Variants in CALN1 observed in about 807,000 individuals in gnomAD.
CALN1 encodes the protein calcium-binding protein 8.
A neutral mutation model predicts 30.6 loss-of-function variants in CALN1; 17 were observed. The ratio of observed to expected loss-of-function variants is 0.56; its 90% CI spans 0.38 to 0.83. The LOEUF is 0.83. Among genes scored for constraint, CALN1 ranks in the 40% least tolerant of loss-of-function variants. CALN1 has a pLI of 0.00. For missense variants in CALN1, 291 were observed against 354.9 expected (o/e 0.82, Z 1.45); for synonymous variants, 156 against 131.4 (o/e 1.19, Z -1.28).
chr7:72,299,277 C>A (rs1191653902), intron 2 of CALN1, among the ~76,000 whole-genome samples: 1 of 151,978 alleles, frequency 6.6e-6, no homozygotes, highest in Admixed American at 6.6e-5. Flanking sequence ...TACCATGAAA[C>A]AAGGAAAAAG....
intron 2 of CALN1, among the ~76,000 whole-genome samples, chr7:72,332,928 T>A (rs1349753617): frequency 1.3e-5 from 2 of 152,094 alleles, no homozygotes; most frequent in Non-Finnish European, 2.9e-5. Context: ...CACCACGAAG[T>A]CTCCAGCCAC....
rs71069052 is a variant in CALN1 at position 72,287,435 on chromosome 7, A to ATTT, written c.120-8628_120-8626dup. ...AAATCCATACACATACACCAAATTA[A>ATTT]TTTTTTTTTTTTTTTTTTTTTTTTT... On this transcript the variant is annotated intron_variant, in intron 2 of 6. Coordinates refer to ENST00000395275, the MANE Select transcript of CALN1 (RefSeq NM_031468.4). Among the ~76,000 whole-genome samples, 303 of 68,096 alleles carry ATTT rather than the reference A, an allele frequency of 4.4e-3. 28 individuals are homozygous for ATTT. Among genetic ancestry groups the ATTT allele is most frequent in the African/African-American group, 0.017 (284 of 16,666 alleles). 44.7% of individuals were successfully genotyped at this position (68,096 alleles called of 152,430 possible). A position where few individuals can be genotyped will look rare whatever the true frequency, so the allele number is the denominator to read the frequency against.
At chr7:72,254,095 G>A (rs550904210) in intron 3 of CALN1, among the ~76,000 whole-genome samples, 1 of 152,044 alleles carries the variant, frequency 6.6e-6, no homozygotes, top group African/African-American at 2.4e-5. Flanking sequence ...GCTCTTCTTG[G>A]TGGCTCTGAC....
At chr7:72,376,365 C>A (rs191107546) in intron 2 of CALN1, among the ~76,000 whole-genome samples, 1,873 of 152,266 alleles carry the variant, frequency 0.012, 23 homozygotes, top group Non-Finnish European at 0.021. Context: ...AAAAGGTTTA[C>A]AATGTCTCCG....
intron 1 of CALN1, among the ~76,000 whole-genome samples, chr7:72,417,514 T>C (rs749233232): frequency 6.6e-6 from 1 of 152,214 alleles, no homozygotes; most frequent in East Asian, 1.9e-4. Flanking sequence ...ACTTGCCACA[T>C]AGTTCTTGGT....
intron 5 of CALN1, among the ~76,000 whole-genome samples, chr7:71,857,758 C>T (rs1791042646): frequency 6.6e-6 from 1 of 152,068 alleles, no homozygotes; most frequent in African/African-American, 2.4e-5. Context: ...TGGGAGAGGG[C>T]CCAAGGACCA....
intron 4 of CALN1, among the ~76,000 whole-genome samples, chr7:72,034,353 C>CAAA (rs34276736): frequency 1.0e-4 from 9 of 90,382 alleles, no homozygotes; most frequent in African/African-American, 9.5e-5. Context: ...GACTCTGTCT[C>CAAA]AAAAAAAAAA....
chr7:72,344,760 C>T (rs915979256), intron 2 of CALN1, among the ~76,000 whole-genome samples: 2 of 145,956 alleles, frequency 1.4e-5, no homozygotes, highest in East Asian at 2.0e-4. Flanking sequence ...TGGCTTTTTG[C>T]TTTTTCGAAA....
chr7:72,504,126 A>G, the CALN1 span, among the ~76,000 whole-genome samples: 1 of 152,200 alleles, frequency 6.6e-6, no homozygotes, highest in Non-Finnish European at 1.5e-5. Flanking sequence ...CAGTGACCAC[A>G]GTGGAGGCTC....
At chr7:72,352,042 G>A (rs1287776466) in intron 2 of CALN1, among the ~76,000 whole-genome samples, 1 of 152,186 alleles carries the variant, frequency 6.6e-6, no homozygotes, top group East Asian at 1.9e-4. Flanking sequence ...ACTTTGGGAA[G>A]CCAAGGCAGG....
intron 2 of CALN1, among the ~76,000 whole-genome samples, chr7:72,312,737 G>A (rs1800138893): frequency 6.6e-6 from 1 of 151,792 alleles, no homozygotes; most frequent in Non-Finnish European, 1.5e-5. Context: ...GGGACAACTA[G>A]AAAAATAGTG....
intron 6 of CALN1, among the ~76,000 whole-genome samples, chr7:71,807,561 C>G (rs10256890): frequency 0.36 from 54,038 of 152,054 alleles, 10,292 homozygotes; most frequent in East Asian, 0.6. Flanking sequence ...ATGTAATGAC[C>G]GTCCCAGAGG....
chr7:71,977,541 C>T (rs1007880694), intron 5 of CALN1, among the ~76,000 whole-genome samples: 3 of 152,162 alleles, frequency 2.0e-5, no homozygotes, highest in East Asian at 3.8e-4. Context: ...ATCAGAGGGG[C>T]TAGTGCCTGG....
At chr7:72,181,606 T>G in intron 3 of CALN1, among the ~76,000 whole-genome samples, 1 of 151,912 alleles carries the variant, frequency 6.6e-6, no homozygotes, top group Non-Finnish European at 1.5e-5. Flanking sequence ...GCCTCCTGAG[T>G]AGCTGGGATT....
At chr7:71,969,334 T>G (rs1797680498) in intron 5 of CALN1, among the ~76,000 whole-genome samples, 1 of 152,220 alleles carries the variant, frequency 6.6e-6, no homozygotes, top group African/African-American at 2.4e-5. Flanking sequence ...CAGCATCATC[T>G]TACTTTCCTA....
chr7:72,140,645 A>G (rs1809860041), intron 3 of CALN1, among the ~76,000 whole-genome samples: 1 of 152,220 alleles, frequency 6.6e-6, no homozygotes, highest in South Asian at 2.1e-4. Context: ...GTTGAATGGT[A>G]GGATAAATGA....
At chr7:71,790,623 T>G (rs1793327507) in intron 6 of CALN1, among the ~76,000 whole-genome samples, 1 of 152,202 alleles carries the variant, frequency 6.6e-6, no homozygotes, top group African/African-American at 2.4e-5. Context: ...GCCCTTGAGG[T>G]CGGCAGGAAG....
chr7:72,088,643 G>C (rs978249167), intron 4 of CALN1, among the ~76,000 whole-genome samples: 1 of 145,938 alleles, frequency 6.9e-6, no homozygotes, highest in Non-Finnish European at 1.5e-5. Context: ...AGTTTGCAGT[G>C]AACCAAGATC....
chr7:72,117,511 G>A (rs894903076), intron 3 of CALN1, among the ~76,000 whole-genome samples: 1 of 152,120 alleles, frequency 6.6e-6, no homozygotes, highest in Non-Finnish European at 1.5e-5. Context: ...TGAAAGGGAA[G>A]GGATATAACA....
Sources: allele counts gnomAD v4.1 joint callset (sites outside exome capture counted in the v4.1 genomes callset), GRCh38; gene constraint gnomAD v4.1.1; transcripts MANE v1.5; gene names NCBI Gene and HGNC (gene_info 2026-07-23, HGNC 2026-07-21).